NOS2: variants seen among roughly 807,000 people sequenced by gnomAD.
The protein encoded by NOS2 is nitric oxide synthase, inducible.
NOS2 carries 96 observed loss-of-function variants against 136.0 expected under a neutral mutation model. That is an observed-to-expected ratio of 0.71 (90% CI 0.60 to 0.84). The LOEUF is 0.84. Among genes scored for constraint, NOS2 ranks in the 40% least tolerant of loss-of-function variants. The pLI is 0.00. For synonymous variants in NOS2, 539 were observed against 587.5 expected, an observed-to-expected ratio of 0.92 and a Z score of 1.20; for missense variants, 1,237 against 1,496.9, an observed-to-expected ratio of 0.83 and a Z score of 2.87.
rs754198975 is a variant in NOS2 at position 27,783,143 on chromosome 17, A to G, written c.468-37T>C. 1.7e-5 allele frequency: 28 copies of G among 1,608,124 alleles called. No individual in the cohort carries two copies. The Admixed American group carries it at 4.5e-4, about 26-fold the overall frequency. ...GAAGACAGCAGGAAGATCAACAATG[A>G]GATGGCCTTACATGGGGATTAATTC... On this transcript the variant is annotated intron_variant, in intron 5 of 26. Transcript: ENST00000313735.
intron 2 of NOS2, among the ~76,000 whole-genome samples, chr17:27,791,404 G>A (rs919779744): frequency 5.9e-5 from 9 of 152,172 alleles, no homozygotes; most frequent in African/African-American, 1.4e-4. Flanking sequence ...ATAGCTTGTC[G>A]TCCTCCCCAT....
Position 27,767,723 on chromosome 17 carries a change from G to T in NOS2, c.2149C>A (p.Pro717Thr), listed in dbSNP as rs1248516485. Reference sequence around the variant, plus strand: ...CAGGTACCTTTGCTGAGGTCCAAAGGCTGTGAGTCCTGCACGAGCCTGTAG... The same window carrying T: ...CAGGTACCTTTGCTGAGGTCCAAAGTCTGTGAGTCCTGCACGAGCCTGTAG... ...HHYRLVQDSQ[P>T]LDLSKALSSM... The change falls in exon 18 of 27, where the codon CCT (proline) becomes ACT (threonine). Residue 717 changes from proline to threonine, a missense_variant. Transcript: ENST00000313735. The T allele has an allele frequency of 2.5e-6, 4 of 1,613,584 alleles. No individual in the cohort carries two copies. The highest frequency in any genetic ancestry group is 1.3e-5 in the African/African-American group (1 of 74,934).
intron 16 of NOS2, 53 bp from the exon 17 acceptor site, chr17:27,769,204 C>T: frequency 8.0e-6 from 12 of 1,502,434 alleles, no homozygotes; most frequent in Non-Finnish European, 1.1e-5. Flanking sequence ...GCACCTGGCA[C>T]CCAGCACCCA....
At chr17:27,773,909 A>G (rs1046610009) in intron 12 of NOS2, among the ~76,000 whole-genome samples, 1 of 152,136 alleles carries the variant, frequency 6.6e-6, no homozygotes, top group African/African-American at 2.4e-5. Context: ...CCAAGACCCT[A>G]TTGCTAGGAA....
At position 27,783,055 on chromosome 17, in the gene NOS2, T is replaced by C; in HGVS notation, c.519A>G (p.Ile173Met). ...TCAGTTGGTAGGTTCCTGTTGTTTCTATCTCCTTTGTTACCGCTTCCACCC... is the reference window on the plus strand; with the variant it reads ...TCAGTTGGTAGGTTCCTGTTGTTTCCATCTCCTTTGTTACCGCTTCCACCC... ...LARVEAVTKE[I>M]ETTGTYQLTG... The change falls in exon 6 of 27, where the codon ATA (isoleucine) becomes ATG (methionine). Residue 173 changes from isoleucine to methionine, a missense_variant. Coordinates refer to ENST00000313735, the MANE Select transcript of NOS2 (RefSeq NM_000625.4). The C allele has an allele frequency of 1.2e-6, 2 of 1,614,226 alleles. No homozygotes were observed. The highest frequency in any genetic ancestry group is 1.7e-6 in the Non-Finnish European group (2 of 1,180,042).
rs1262982928 is a variant in NOS2 at position 27,765,563 on chromosome 17, T to C, written c.2400A>G (p.Thr800=). The change falls in exon 20 of 27, where the codon ACA becomes ACG. Residue 800 remains threonine (T), a synonymous_variant. Coordinates refer to ENST00000313735, the MANE Select transcript of NOS2 (RefSeq NM_000625.4). ...RVVDGPTPHQ[T]VRLEALDESG... Reference sequence around the variant, plus strand: ...TCTCATCCAGGGCCTCCAGGCGCACTGTCTGGTGGGGTGTGGGGCCATCCA... The same window carrying C: ...TCTCATCCAGGGCCTCCAGGCGCACCGTCTGGTGGGGTGTGGGGCCATCCA... The C allele has an allele frequency of 6.2e-7, 1 of 1,608,642 alleles. No homozygotes were observed. The highest frequency in any genetic ancestry group is 1.3e-5 in the African/African-American group (1 of 74,798).
At chr17:27,788,702 C>A in intron 4 of NOS2, 107 bp downstream of exon 4, 5 of 1,398,690 alleles carry the variant, frequency 3.6e-6, no homozygotes, top group East Asian at 2.4e-5. Flanking sequence ...TTTGCCCAAG[C>A]AGATGATTGT....
chr17:27,782,307 C>A (rs964753113), intron 6 of NOS2, among the ~76,000 whole-genome samples: 2 of 152,232 alleles, frequency 1.3e-5, no homozygotes, highest in African/African-American at 4.8e-5. Context: ...ATCTGCACCA[C>A]CGCTCCCATT....
rs747955388 is a variant in NOS2 at position 27,780,881 on chromosome 17, G to A, written c.890C>T (p.Pro297Leu). 5 of 1,613,804 alleles carry A rather than the reference G, an allele frequency of 3.1e-6. No homozygotes were observed. Among genetic ancestry groups the A allele is most frequent in the Non-Finnish European group, 4.2e-6 (5 of 1,179,936 alleles). The change falls in exon 9 of 27, where the codon CCC becomes CTC. Residue 297 changes from proline (P) to leucine (L), a missense_variant. Pro to Leu is a moderately conservative substitution (Grantham distance 98). This residue lies in a region of NOS2 where 440 missense variants were observed against 545.4 expected (regional missense o/e 0.81). Transcript: ENST00000313735. The part of the protein sequence containing the change: ...TQLCIDLGWK[P>L]KYGRFDVVPL... ...GACCACATCGAAGCGGCCGTACTTG[G>A]GCTTCCAGCCCAGGTCGATGCACAG...
At chr17:27,785,203 T>C (rs1189995517) in intron 5 of NOS2, among the ~76,000 whole-genome samples, 1 of 152,078 alleles carries the variant, frequency 6.6e-6, no homozygotes, top group African/African-American at 2.4e-5. Context: ...AGTTGCCTTG[T>C]CTGTAAGATG....
intron 4 of NOS2, among the ~76,000 whole-genome samples, chr17:27,788,196 G>GCACACACACACACACACA (rs59431357): frequency 2.7e-5 from 4 of 149,754 alleles, no homozygotes; most frequent in Admixed American, 6.7e-5. Context: ...GCACACGCGT[G>GCACACACACACACACACA]CACACACACA....
chr17:27,759,769 CCTGCTGGGGACCTTCAGCAGG>C (rs1481114114), intron 25 of NOS2, among the ~76,000 whole-genome samples: 1 of 152,154 alleles, frequency 6.6e-6, no homozygotes, highest in Non-Finnish European at 1.5e-5. Context: ...TCCCAGGGGG[CCTGCTGGGGACCTTCAGCAGG>C]CTGGGCTCTG....
At position 27,782,903 on chromosome 17, in the gene NOS2, C is replaced by A. The variant is rs544383703; in HGVS notation, c.630+41G>T. On this transcript the variant is annotated intron_variant, in intron 6 of 26. Coordinates refer to ENST00000313735, the MANE Select transcript of NOS2 (RefSeq NM_000625.4). ...TCCAAGCCATCTGCTCAGGGCCTGG[C>A]CGCCTCCAGCTCTCTCCCGCTCAAG... 1.8e-5 allele frequency: 29 copies of A among 1,603,528 alleles called. 1 individual carries two copies. The highest frequency in any genetic ancestry group is 1.6e-4 in the South Asian group (14 of 90,052).
At chr17:27,766,877 C>G (rs2151326671) in intron 18 of NOS2, among the ~76,000 whole-genome samples, 1 of 151,906 alleles carries the variant, frequency 6.6e-6, no homozygotes, top group South Asian at 2.1e-4. Flanking sequence ...TGAAACCAGG[C>G]ATGGTGGTAG....
rs201480590 is a variant in NOS2 at position 27,783,116 on chromosome 17, A to G, written c.468-10T>C. The G allele has an allele frequency of 6.2e-6, 10 of 1,614,012 alleles. No homozygotes were observed. The East Asian group carries it at 1.1e-4, about 18-fold the overall frequency. On this transcript the variant is annotated splice_polypyrimidine_tract_variant and intron_variant, in intron 5 of 26. Transcript: ENST00000313735. ...TTCCTCTATTTTTGCCCTGGGGGAC[A>G]GGAAGACAGCAGGAAGATCAACAAT...
At chr17:27,791,800 A>T (rs1375263518) in intron 2 of NOS2, among the ~76,000 whole-genome samples, 124 of 151,156 alleles carry the variant, frequency 8.2e-4, no homozygotes, top group African/African-American at 2.9e-3. Flanking sequence ...AACAAAACAA[A>T]ACAAAAATAT....
intron 9 of NOS2, among the ~76,000 whole-genome samples, chr17:27,779,338 T>A (rs1908769022): frequency 6.7e-6 from 1 of 148,656 alleles, no homozygotes; most frequent in Non-Finnish European, 1.5e-5. Flanking sequence ...TTTTATAGAG[T>A]CTCACTATGT....
chr17:27,763,057 G>A (rs756708796), intron 21 of NOS2, 52 bp from the exon 22 acceptor site: 9 of 1,215,366 alleles, frequency 7.4e-6, no homozygotes, highest in South Asian at 2.9e-5. Flanking sequence ...CCGCTTTGGG[G>A]AAAAGACTGT....
intron 24 of NOS2, 125 bp downstream of exon 24, chr17:27,760,498 G>A (rs1908083943): frequency 7.5e-7 from 1 of 1,333,640 alleles, no homozygotes; most frequent in Non-Finnish European, 1.0e-6. Context: ...GGCCCGCACA[G>A]GGAAGCAAAC....
Sources: gnomAD v4.1 joint callset for allele counts (sites outside exome capture counted in the v4.1 genomes callset) on GRCh38, gnomAD v4.1.1 for gene constraint, gnomAD v4.1.1 regional missense constraint, MANE v1.5 for transcripts, NCBI Gene and HGNC (gene_info 2026-07-23, HGNC 2026-07-21) for gene names.